The following PUS7L variants were observed in gnomAD, a reference collection of about 807,000 sequenced individuals.
PUS7L encodes pseudouridine synthase 7 like, also known as pseudouridylate synthase PUS7L.
A neutral mutation model predicts 51.1 loss-of-function variants in PUS7L; 49 were observed. The observed-to-expected ratio is 0.96, with a 90% CI of 0.76 to 1.22. PUS7L has a LOEUF of 1.22. Among genes scored for constraint, PUS7L ranks in the 50% most tolerant of loss-of-function variants. The pLI is 0.00. For synonymous variants in PUS7L, 277 were observed against 276.2 expected, an observed-to-expected ratio of 1.00 and a Z score of -0.03; for missense variants, 828 against 820.6, an observed-to-expected ratio of 1.01 and a Z score of -0.11.
chr12:43,732,302 C>A (rs1944575970), intron 7 of PUS7L, among the ~76,000 whole-genome samples: 2 of 151,730 alleles, frequency 1.3e-5, no homozygotes, highest in African/African-American at 4.8e-5. Context: ...TTTTTATTAG[C>A]CAGGTGTGGT....
intron 1 of PUS7L, among the ~76,000 whole-genome samples, chr12:43,756,956 A>C (rs1565649025): frequency 6.6e-6 from 1 of 152,188 alleles, no homozygotes; most frequent in Non-Finnish European, 1.5e-5. Flanking sequence ...GCTTCCAAGG[A>C]CATCTAAGAT....
intron 2 of PUS7L, among the ~76,000 whole-genome samples, chr12:43,753,183 T>C (rs1938538934): frequency 6.6e-6 from 1 of 152,206 alleles, no homozygotes; most frequent in African/African-American, 2.4e-5. Context: ...ACTTACTATA[T>C]GCCTAATATT....
intron 1 of PUS7L, among the ~76,000 whole-genome samples, chr12:43,757,919 A>G (rs766537459): frequency 6.6e-6 from 1 of 152,194 alleles, no homozygotes; most frequent in Non-Finnish European, 1.5e-5. Context: ...AATGTAGCTG[A>G]GTTAGTACCA....
rs33999797 is a variant in PUS7L, at chr12:43,754,970, A to C, written c.276T>G (p.Ile92Met). ...DGRNQEVHTL[I>M]KYTDGDQNHQ... ...GATTTTGGTCACCATCAGTGTACTTAATCAAAGTATGAACTTCTTGGTTTC... is the reference window on the plus strand; with the variant it reads ...GATTTTGGTCACCATCAGTGTACTTCATCAAAGTATGAACTTCTTGGTTTC... Residue 92 changes from isoleucine to methionine, a missense_variant, in exon 2 of 9, where the codon ATT (isoleucine) becomes ATG (methionine). Transcript: ENST00000344862. The C allele has an allele frequency of 0.033, 53,311 of 1,613,622 alleles. 992 individuals carry two copies. The highest frequency in any genetic ancestry group is 0.041 in the South Asian group (3,775 of 91,028).
In PUS7L at chr12:43,723,364, T is replaced by C. The variant is rs1441284028; in HGVS notation, c.*7012A>G. 1.3e-5 allele frequency: 2 copies of C among 152,134 alleles called. No homozygotes were observed. Among genetic ancestry groups the C allele is most frequent in the Non-Finnish European group, 2.9e-5 (2 of 67,978 alleles). 9.4% of individuals were successfully genotyped at this position (152,134 alleles called of 1,614,324 possible). A position where few individuals can be genotyped will look rare whatever the true frequency, so the allele number is the denominator to read the frequency against. ...ACTAGTAGCTTTTTAGAAAGCAGCA[T>C]TTAGACTGAATAGTTCAAAGCATAT... is the stretch of plus-strand genomic sequence containing the variant. On this transcript the variant is annotated 3_prime_UTR_variant, in exon 9 of 9. Transcript: ENST00000344862.
chr12:43,758,665 C>G, intron 1 of PUS7L, 65 bp downstream of exon 1: 4 of 562,710 alleles, frequency 7.1e-6, no homozygotes, highest in African/African-American at 5.2e-5. Context: ...CCCCCCCCCC[C>G]CACACACACA....
chr12:43,736,315 CT>C, intron 7 of PUS7L, 65 bp downstream of exon 7: 3 of 1,356,536 alleles, frequency 2.2e-6, no homozygotes, highest in Non-Finnish European at 3.1e-6. Context: ...ATAATCAGGG[CT>C]TTTGAAAAAT....
intron 1 of PUS7L, among the ~76,000 whole-genome samples, chr12:43,756,401 ATGTT>A (rs1938702585): frequency 6.6e-6 from 1 of 152,048 alleles, no homozygotes; most frequent in African/African-American, 2.4e-5. Context: ...ATATTGGTCT[ATGTT>A]TGTCACTGTT....
intron 3 of PUS7L, among the ~76,000 whole-genome samples, chr12:43,747,497 C>T (rs1938225799): frequency 6.6e-6 from 1 of 151,942 alleles, no homozygotes; most frequent in Admixed American, 6.6e-5. Context: ...AGTTCGAGAC[C>T]AGCCTGGCCA....
chr12:43,750,312 T>A (rs1475187460), intron 2 of PUS7L, among the ~76,000 whole-genome samples: 1 of 152,236 alleles, frequency 6.6e-6, no homozygotes, highest in East Asian at 1.9e-4. Flanking sequence ...ATTGTATTAA[T>A]ATTAATCTGT....
intron 2 of PUS7L, among the ~76,000 whole-genome samples, chr12:43,749,291 C>G (rs996454177): frequency 6.6e-6 from 1 of 152,188 alleles, no homozygotes; most frequent in Non-Finnish European, 1.5e-5. Context: ...TTTAAGTCCT[C>G]TGTCTAAAAC....
At chr12:43,741,445 A>G (rs1047106739) in intron 5 of PUS7L, among the ~76,000 whole-genome samples, 3 of 152,216 alleles carry the variant, frequency 2.0e-5, no homozygotes, top group African/African-American at 7.2e-5. Flanking sequence ...GCAACTTGGA[A>G]AAGTTAAGTA....
chr12:43,746,198 T>C lies in PUS7L; in HGVS notation c.1111A>G (p.Asn371Asp), dbSNP rs1227598472. 1.4e-6 allele frequency: 2 copies of C among 1,462,874 alleles called. No individual in the cohort carries two copies. Among genetic ancestry groups the C allele is most frequent in the Middle Eastern group, 2.0e-4 (1 of 4,946 alleles). The allele number at this position is 1,462,874 out of a possible 1,614,324, so 90.6% of individuals were successfully genotyped here. Residue 371 changes from asparagine to aspartate, a missense_variant, in exon 4 of 9, where the codon AAT (asparagine) becomes GAT (aspartate). Physicochemically the swap from Asn to Asp is conservative, Grantham distance 23 (BLOSUM62 1). Transcript: ENST00000344862. ...IEKEIEKKRMNVFNIRSVDDS... is the reference protein window; with the variant it reads ...IEKEIEKKRMDVFNIRSVDDS... ...TCTACAGACCGAATATTAAAGACAT[T>C]CATTCTTTTCTTTTCAATTTCTTTT... is the stretch of plus-strand genomic sequence containing the variant.
rs1426637880 is a variant in PUS7L, at chr12:43,722,672, T to C, written c.*7704A>G. 2 of 152,110 alleles carry C rather than the reference T, an allele frequency of 1.3e-5. No individual in the cohort carries two copies. Among genetic ancestry groups the C allele is most frequent in the African/African-American group, 2.4e-5 (1 of 41,436 alleles). The allele number at this position is 152,110 out of a possible 1,614,324, so 9.4% of individuals were successfully genotyped here. A position where few individuals can be genotyped will look rare whatever the true frequency, so the allele number is the denominator to read the frequency against. ...TATTATAATGGAATTATAAAGGTTATAGAAAAAATATCCATCTTCCCTTTT... is the reference window on the plus strand; with the variant it reads ...TATTATAATGGAATTATAAAGGTTACAGAAAAAATATCCATCTTCCCTTTT... On this transcript the variant is annotated 3_prime_UTR_variant, in exon 9 of 9. Coordinates refer to ENST00000344862, the MANE Select transcript of PUS7L (RefSeq NM_031292.5).
At chr12:43,731,835 CTAT>C in intron 7 of PUS7L, 77 bp from the exon 8 acceptor site, 1 of 816,838 alleles carries the variant, frequency 1.2e-6, no homozygotes, top group Non-Finnish European at 2.1e-6. Context: ...TTCCCTAACT[CTAT>C]TATATATAAA....
intron 7 of PUS7L, among the ~76,000 whole-genome samples, chr12:43,732,349 A>G (rs1944577476): frequency 6.6e-6 from 1 of 152,048 alleles, no homozygotes; most frequent in African/African-American, 2.4e-5. Flanking sequence ...TAGGAGACCC[A>G]GGCAAGAGGA....
chr12:43,721,170 A>G lies in PUS7L; in HGVS notation c.*9206T>C, dbSNP rs1445340089. 1.3e-5 allele frequency: 2 copies of G among 152,206 alleles called. No individual in the cohort carries two copies. The highest frequency in any genetic ancestry group is 4.8e-5 in the African/African-American group (2 of 41,464). 9.4% of individuals were successfully genotyped at this position (152,206 alleles called of 1,614,324 possible). Reference sequence around the variant, plus strand: ...AAAGTGGAAAACTGAAGCACTTTCCATTAGAAATCAGTAGAGCAAGTGGTT... The same window carrying G: ...AAAGTGGAAAACTGAAGCACTTTCCGTTAGAAATCAGTAGAGCAAGTGGTT... On this transcript the variant is annotated 3_prime_UTR_variant, in exon 9 of 9. Coordinates refer to ENST00000344862, the MANE Select transcript of PUS7L (RefSeq NM_031292.5).
chr12:43,730,487 C>A lies in PUS7L; in HGVS notation c.1995G>T (p.Thr665=). The A allele has an allele frequency of 6.2e-7, 1 of 1,613,750 alleles. No homozygotes were observed. Among genetic ancestry groups the A allele is most frequent in the South Asian group, 1.1e-5 (1 of 91,064 alleles). ...LMEDHDIDVK[T]KGSHIDETAL... ...CTGTTTCATCAATGTGGGAACCTTTCGTTTTGACATCAATGTCATGATCTT... is the reference window on the plus strand; with the variant it reads ...CTGTTTCATCAATGTGGGAACCTTTAGTTTTGACATCAATGTCATGATCTT... The change falls in exon 9 of 9, where the codon ACG becomes ACT. Residue 665 remains threonine, a synonymous_variant. Transcript: ENST00000344862.
intron 2 of PUS7L, among the ~76,000 whole-genome samples, chr12:43,751,920 T>A (rs1938470180): frequency 6.6e-6 from 1 of 152,212 alleles, no homozygotes; most frequent in African/African-American, 2.4e-5. Flanking sequence ...GATATCTCAT[T>A]GTGGTTTTGA....
Sources: allele counts gnomAD v4.1 joint callset (sites outside exome capture counted in the v4.1 genomes callset), GRCh38; gene constraint gnomAD v4.1.1; transcripts MANE v1.5; gene names NCBI Gene and HGNC (gene_info 2026-07-23, HGNC 2026-07-21).